Variants in NFIX observed in about 807,000 individuals in gnomAD.
The protein encoded by NFIX is nuclear factor I X.
NFIX carries 2 observed loss-of-function variants against 53.3 expected under a neutral mutation model. The observed-to-expected ratio is 0.04, with a 90% CI of 0.02 to 0.12. The LOEUF (loss-of-function observed/expected upper bound fraction) is 0.12, where lower values mean the gene tolerates loss of function less well. Ranked by LOEUF, NFIX falls within the 10% of genes least tolerant of loss-of-function variation. The pLI is 1.00. For synonymous variants in NFIX, 244 were observed against 289.0 expected, an observed-to-expected ratio of 0.84 and a Z score of 1.58; for missense variants, 310 against 674.5, an observed-to-expected ratio of 0.46 and a Z score of 5.99.
At chr19:13,086,868 G>A (rs2017809022) in intron 8 of NFIX, among the ~76,000 whole-genome samples, 2 of 152,250 alleles carry the variant, frequency 1.3e-5, no homozygotes, top group Admixed American at 6.5e-5. Context: ...ACAGAACGAG[G>A]CACTGGCTGG....
At chr19:13,046,855 T>G (rs554505088) in intron 2 of NFIX, among the ~76,000 whole-genome samples, 1 of 152,244 alleles carries the variant, frequency 6.6e-6, no homozygotes, top group South Asian at 2.1e-4. Flanking sequence ...TCTTCCTTCT[T>G]GGTCTAAATC....
intron 2 of NFIX, among the ~76,000 whole-genome samples, chr19:13,061,966 T>C (rs2016119215): frequency 6.6e-6 from 1 of 152,114 alleles, no homozygotes; most frequent in African/African-American, 2.4e-5. Context: ...CAGCACTCGG[T>C]GCCGTCCTAT....
At position 13,012,815 on chromosome 19, in the gene NFIX, A is replaced by C. The variant is rs2012436358; in HGVS notation, c.28-12206A>C. Among the ~76,000 whole-genome samples, 1 of 152,178 alleles carries C rather than the reference A, an allele frequency of 6.6e-6. No individual in the cohort carries two copies. The highest frequency in any genetic ancestry group is 6.5e-5 in the Admixed American group (1 of 15,286). ...TTCGGAGAGGATCTCTCCGCGTCGC[A>C]TAGTGAGCGTCGTCATCTCTAGACT... is the stretch of plus-strand genomic sequence containing the variant. On this transcript the variant is annotated intron_variant, in intron 1 of 10. Coordinates refer to ENST00000592199, the MANE Select transcript of NFIX (RefSeq NM_001365902.3). This position sits in a 1 kb window ranked among gnomAD's most constrained non-coding sequence, Gnocchi z 5.0.
In NFIX at chr19:13,093,855, C is replaced by T. The variant is rs539151340; in HGVS notation, c.1495-780C>T. 5.3e-5 allele frequency among the ~76,000 whole-genome samples: 8 copies of T among 152,190 alleles called. No individual in the cohort carries two copies. Among genetic ancestry groups the T allele is most frequent in the South Asian group, 4.1e-4 (2 of 4,828 alleles). On this transcript the variant is annotated intron_variant, in intron 10 of 10. Coordinates refer to ENST00000592199, the MANE Select transcript of NFIX (RefSeq NM_001365902.3). This position sits in a 1 kb window ranked among gnomAD's most constrained non-coding sequence, Gnocchi z 4.7. ...TGGGGCTGGAGCCTTGGATGGAGGG[C>T]GTAGCCAAGCAGCCCAGACCCTTGG...
intron 1 of NFIX, chr19:13,024,113 C>CAAAAAAAA (rs113861190): frequency 4.9e-6 from 2 of 412,056 alleles, no homozygotes; most frequent in Admixed American, 4.9e-5. Flanking sequence ...AGCAAACAAC[C>CAAAAAAAA]AAAAAAAAAA....
intron 2 of NFIX, among the ~76,000 whole-genome samples, chr19:13,042,759 G>A (rs1252245450): frequency 3.6e-5 from 4 of 112,518 alleles, no homozygotes; most frequent in Non-Finnish European, 4.9e-5. Context: ...GAGTTGTGTT[G>A]CGTTCATCCC....
intron 2 of NFIX, among the ~76,000 whole-genome samples, chr19:13,047,009 C>T (rs565219809): frequency 6.6e-6 from 1 of 152,284 alleles, no homozygotes; most frequent in South Asian, 2.1e-4. Context: ...CTGTACTCCC[C>T]ACTAAGGCTG....
chr19:13,019,767 T>G (rs1396721448), intron 1 of NFIX, among the ~76,000 whole-genome samples: 1 of 147,576 alleles, frequency 6.8e-6, no homozygotes, highest in Non-Finnish European at 1.5e-5. Context: ...TACTCAACAA[T>G]AAAAGACAGA....
At position 12,996,745 on chromosome 19, in the gene NFIX, C is replaced by T. The variant is rs2011483400; in HGVS notation, c.27+881C>T. 1.3e-5 allele frequency among the ~76,000 whole-genome samples: 2 copies of T among 152,366 alleles called. No individual in the cohort carries two copies. The highest frequency in any genetic ancestry group is 6.5e-5 in the Admixed American group (1 of 15,312). ...GCCGTGGACACAGCCGACAGTGCTG[C>T]GGCCACACCGTCGGGTCAGCCTCGG... is the stretch of plus-strand genomic sequence containing the variant. On this transcript the variant is annotated intron_variant, in intron 1 of 10. Transcript: ENST00000592199. The surrounding 1 kb of genome is among the most constrained non-coding windows in gnomAD (Gnocchi z 5.2).
At chr19:13,035,328 C>A (rs1047880413) in intron 2 of NFIX, among the ~76,000 whole-genome samples, 5 of 152,210 alleles carry the variant, frequency 3.3e-5, no homozygotes, top group African/African-American at 1.2e-4. Flanking sequence ...TTCACCTCCC[C>A]CTGGTTGGAA....
rs1306753091 is a variant in NFIX at position 12,996,399 on chromosome 19, G to T, written c.27+535G>T. Among the ~76,000 whole-genome samples, 1 of 152,048 alleles carries T rather than the reference G, an allele frequency of 6.6e-6. No homozygotes were observed. Among genetic ancestry groups the T allele is most frequent in the Admixed American group, 6.5e-5 (1 of 15,284 alleles). ...CGGCGTGCGTGGCGGCGGCCCTTGC[G>T]TGCGGCCGGGGTGCCTGGGGTGGGC... On this transcript the variant is annotated intron_variant, in intron 1 of 10. Coordinates refer to ENST00000592199, the MANE Select transcript of NFIX (RefSeq NM_001365902.3). This position sits in a 1 kb window ranked among gnomAD's most constrained non-coding sequence, Gnocchi z 5.2.
intron 6 of NFIX, among the ~76,000 whole-genome samples, chr19:13,076,642 G>A (rs1411482172): frequency 6.6e-6 from 1 of 152,208 alleles, no homozygotes; most frequent in East Asian, 1.9e-4. Context: ...CTGGGCCCTG[G>A]GCATCATTCT....
intron 2 of NFIX, among the ~76,000 whole-genome samples, chr19:13,032,964 A>G (rs2145225895): frequency 1.3e-5 from 2 of 152,298 alleles, no homozygotes; most frequent in East Asian, 3.9e-4. Context: ...AGAGAGTGCC[A>G]CAGACCGAGA....
chr19:13,008,558 T>C (rs901300416), intron 1 of NFIX, among the ~76,000 whole-genome samples: 2 of 152,202 alleles, frequency 1.3e-5, no homozygotes, highest in Admixed American at 6.5e-5. Flanking sequence ...TCTCACTTTG[T>C]TCCTCTCTTT....
chr19:13,003,673 C>A (rs578091088), intron 1 of NFIX, among the ~76,000 whole-genome samples: 1 of 152,070 alleles, frequency 6.6e-6, no homozygotes, highest in Admixed American at 6.5e-5. Context: ...AGACTGTCAT[C>A]TGTAGCCCAG....
chr19:13,077,316 C>T (rs189482401), intron 6 of NFIX, among the ~76,000 whole-genome samples: 3 of 152,242 alleles, frequency 2.0e-5, no homozygotes, highest in Non-Finnish European at 2.9e-5. Context: ...CTGCCACGCA[C>T]GGCCCCTCAA....
In NFIX at chr19:13,097,470, A is replaced by C. The variant is rs1419614228; in HGVS notation, c.*2821A>C. ...ACAAACTATTATACATAAGTTTATG[A>C]ATCAATTAAATATCCTGCACTTGTT... On this transcript the variant is annotated 3_prime_UTR_variant, in exon 11 of 11. Coordinates refer to ENST00000592199, the MANE Select transcript of NFIX (RefSeq NM_001365902.3). 1 of 152,638 alleles carries C rather than the reference A, an allele frequency of 6.6e-6. No homozygotes were observed. The highest frequency in any genetic ancestry group is 2.4e-5 in the African/African-American group (1 of 41,448). 9.5% of individuals were successfully genotyped at this position (152,638 alleles called of 1,614,324 possible).
intron 6 of NFIX, among the ~76,000 whole-genome samples, chr19:13,076,474 G>A (rs1055948425): frequency 1.3e-5 from 2 of 152,228 alleles, no homozygotes; most frequent in Non-Finnish European, 1.5e-5. Flanking sequence ...GTGTGCATGT[G>A]CATGAGCACA....
At chr19:13,074,460 C>A (rs1171223075) in intron 5 of NFIX, among the ~76,000 whole-genome samples, 1 of 152,212 alleles carries the variant, frequency 6.6e-6, no homozygotes, top group Non-Finnish European at 1.5e-5. Context: ...ATTTAGACTT[C>A]ATCCCTGGGT....
Sources: gnomAD v4.1 joint callset for allele counts (sites outside exome capture counted in the v4.1 genomes callset) on GRCh38, gnomAD v4.1.1 for gene constraint, Gnocchi (gnomAD v3.1) non-coding constraint, MANE v1.5 for transcripts, NCBI Gene and HGNC (gene_info 2026-07-23, HGNC 2026-07-21) for gene names.